Variants in ORC3 observed in about 807,000 individuals in gnomAD.
ORC3 encodes the protein origin recognition complex subunit 3.
In ORC3, 78 loss-of-function variants were observed where a neutral mutation model predicts 100.7. That is an observed-to-expected ratio of 0.77 (90% CI 0.65 to 0.94). The LOEUF (loss-of-function observed/expected upper bound fraction) is 0.94, where lower values mean the gene tolerates loss of function less well. Among genes scored for constraint, ORC3 ranks in the 40% least tolerant of loss-of-function variants. ORC3 has a pLI of 0.00. For missense variants in ORC3, 789 were observed against 823.9 expected (o/e 0.96, Z 0.52); for synonymous variants, 295 against 289.3 (o/e 1.02, Z -0.20).
At chr6:87,633,309 A>C (rs1767570565) in intron 11 of ORC3, among the ~76,000 whole-genome samples, 1 of 152,252 alleles carries the variant, frequency 6.6e-6, no homozygotes, top group Non-Finnish European at 1.5e-5. Context: ...AAAAAACTAA[A>C]GAACTAAGCT....
In ORC3 at chr6:87,636,505, G is replaced by C; in HGVS notation, c.1382+19G>C. 6.4e-7 allele frequency: 1 copy of C among 1,563,630 alleles called. No homozygotes were observed. Among genetic ancestry groups the C allele is most frequent in the Non-Finnish European group, 8.8e-7 (1 of 1,134,452 alleles). ...TGCTGAGGTAGTTTTGTTTTTTCTT[G>C]TTTTTCTATTTTTGTCTGCTATAAG... On this transcript the variant is annotated intron_variant, in intron 13 of 19. Coordinates refer to ENST00000392844, the MANE Select transcript of ORC3 (RefSeq NM_012381.4).
chr6:87,669,882 G>A (rs890473085), downstream of ORC3, among the ~76,000 whole-genome samples: 7 of 152,150 alleles, frequency 4.6e-5, no homozygotes. Context: ...AGTTTCAAAT[G>A]ATGCATATGA....
intron 16 of ORC3, among the ~76,000 whole-genome samples, chr6:87,662,497 T>C (rs987498363): frequency 6.6e-6 from 1 of 152,158 alleles, no homozygotes; most frequent in East Asian, 1.9e-4. Context: ...ATGAAAGATA[T>C]CAACTAAAAA....
chr6:87,609,999 G>A (rs1199346637), intron 7 of ORC3, among the ~76,000 whole-genome samples: 3 of 151,978 alleles, frequency 2.0e-5, no homozygotes, highest in Non-Finnish European at 2.9e-5. Context: ...CTATTTTCAC[G>A]ATTGCATTGC....
At position 87,603,451 on chromosome 6, in the gene ORC3, C is replaced by A. The variant is rs368053556; in HGVS notation, c.245C>A (p.Ser82Tyr). The part of the protein sequence containing the change: ...NLIEFLQKSH[S>Y]GFQKNSRDLG... The stretch of plus-strand genomic sequence containing the variant: ...ATTGAATTTCTGCAAAAATCACATT[C>A]TGGATTCCAGAAGAATTCAAGAGAC... Residue 82 changes from serine to tyrosine, a missense_variant, in exon 4 of 20, where the codon TCT becomes TAT. Coordinates refer to ENST00000392844, the MANE Select transcript of ORC3 (RefSeq NM_012381.4). The A allele has an allele frequency of 1.3e-6, 2 of 1,531,600 alleles. No individual in the cohort carries two copies. Among genetic ancestry groups the A allele is most frequent in the South Asian group, 1.3e-5 (1 of 78,524 alleles). The allele number at this position is 1,531,600 out of a possible 1,614,324, so 94.9% of individuals were successfully genotyped here.
intron 1 of ORC3, among the ~76,000 whole-genome samples, chr6:87,592,638 A>G (rs534922051): frequency 6.6e-6 from 1 of 152,282 alleles, no homozygotes; most frequent in East Asian, 1.9e-4. Context: ...CAACAATAGC[A>G]GAAAAAAGAA....
In ORC3 at chr6:87,653,156, T is replaced by C. The variant is rs756189264; in HGVS notation, c.1423T>C (p.Cys475Arg). 6.2e-7 allele frequency: 1 copy of C among 1,613,622 alleles called. No individual in the cohort carries two copies. The highest frequency in any genetic ancestry group is 8.5e-7 in the Non-Finnish European group (1 of 1,179,588). Residue 475 changes from cysteine (C) to arginine (R), a missense_variant, in exon 14 of 20, where the codon TGT (cysteine) becomes CGT (arginine). Around this residue, in one of 3 missense-constraint regions of ORC3, gnomAD observed 366 missense variants for 394.2 expected, o/e 0.93. Transcript: ENST00000392844. ...KDELMTILEK[C>R]FKVFKSYCEN... is the part of the protein sequence containing the mutation. ...TGAACTGATGACCATACTTGAGAAA[T>C]GTTTCAAGGTTTTTAAGTCTTATTG...
chr6:87,674,713 A>C, the ORC3 span, among the ~76,000 whole-genome samples: 1 of 147,798 alleles, frequency 6.8e-6, no homozygotes. Context: ...TGACCTCGTG[A>C]TCCTCCCGCC....
the ORC3 span, chr6:87,675,493 C>T: frequency 6.7e-7 from 1 of 1,500,010 alleles, no homozygotes; most frequent in East Asian, 2.3e-5. Flanking sequence ...TTGAAATAAC[C>T]TGTATTCACA....
chr6:87,649,847 T>A (rs973995501), intron 13 of ORC3, among the ~76,000 whole-genome samples: 3 of 152,208 alleles, frequency 2.0e-5, no homozygotes, highest in African/African-American at 7.2e-5. Context: ...ATAGTGAGTG[T>A]TAAAATGTCT....
chr6:87,630,572 A>C (rs1312848287), intron 11 of ORC3, among the ~76,000 whole-genome samples: 1 of 152,190 alleles, frequency 6.6e-6, no homozygotes, highest in Non-Finnish European at 1.5e-5. Context: ...TCATTGTATC[A>C]GGGAGACAGA....
chr6:87,602,802 C>A (rs1398711438), intron 3 of ORC3, among the ~76,000 whole-genome samples: 1 of 151,072 alleles, frequency 6.6e-6, no homozygotes, highest in Non-Finnish European at 1.5e-5. Context: ...CCAGATTAAC[C>A]CTTCTTAACC....
chr6:87,614,554 T>C (rs1288794878), intron 8 of ORC3, among the ~76,000 whole-genome samples: 1 of 152,246 alleles, frequency 6.6e-6, no homozygotes, highest in Non-Finnish European at 1.5e-5. Flanking sequence ...TCCAAACTTT[T>C]ATGCCCTGCT....
intron 11 of ORC3, among the ~76,000 whole-genome samples, chr6:87,632,424 G>A (rs1767497697): frequency 6.6e-6 from 1 of 152,076 alleles, no homozygotes; most frequent in Admixed American, 6.6e-5. Flanking sequence ...CCCTTAGAAA[G>A]GTACAGCAAA....
At chr6:87,601,716 G>A in intron 2 of ORC3, 68 bp from the exon 3 acceptor site, 2 of 897,826 alleles carry the variant, frequency 2.2e-6, no homozygotes, top group Non-Finnish European at 3.5e-6. Flanking sequence ...GTGTAACTTT[G>A]CACGTAAGAT....
At position 87,616,314 on chromosome 6, in the gene ORC3, C is replaced by T. The variant is rs1779148190; in HGVS notation, c.874C>T (p.Leu292=). Residue 292 remains leucine, a splice_region_variant and synonymous_variant, in exon 9 of 20, where the codon CTA becomes TTA. Transcript: ENST00000392844. The part of the protein sequence containing the change: ...KEHLTTVLDK[L]LLTTQFPFKI... ...CCCCCTCCCTTTTAATCTCTTTCAG[C>T]TACTTCTTACAACTCAGTTTCCCTT... 3.3e-6 allele frequency: 4 copies of T among 1,216,848 alleles called. No homozygotes were observed. Among genetic ancestry groups the T allele is most frequent in the Non-Finnish European group, 3.7e-6 (3 of 820,538 alleles). The allele number at this position is 1,216,848 out of a possible 1,614,324, so 75.4% of individuals were successfully genotyped here.
intron 2 of ORC3, among the ~76,000 whole-genome samples, chr6:87,596,283 G>A (rs1270966756): frequency 4.0e-5 from 6 of 151,676 alleles, no homozygotes; most frequent in African/African-American, 9.7e-5. Flanking sequence ...ACAGGCATGC[G>A]CCACAATGCC....
intron 7 of ORC3, among the ~76,000 whole-genome samples, chr6:87,609,730 T>G (rs981025459): frequency 6.6e-6 from 1 of 152,034 alleles, no homozygotes; most frequent in African/African-American, 2.4e-5. Context: ...TTTTGTATTT[T>G]TAGTAGAAAC....
chr6:87,676,938 A>T, the ORC3 span, among the ~76,000 whole-genome samples: 219 of 151,952 alleles, frequency 1.4e-3, 1 homozygote, highest in African/African-American at 4.8e-3. Flanking sequence ...TTAGCCGGGC[A>T]TGGTGGTAGG....
Sources: gnomAD v4.1 joint callset for allele counts (sites outside exome capture counted in the v4.1 genomes callset) on GRCh38, gnomAD v4.1.1 for gene constraint, gnomAD v4.1.1 regional missense constraint, MANE v1.5 for transcripts, NCBI Gene and HGNC (gene_info 2026-07-23, HGNC 2026-07-21) for gene names.